MADD: variants seen among roughly 807,000 people sequenced by gnomAD.
MADD encodes the protein MAP kinase-activating death domain protein.
Under a neutral mutation model 176.7 loss-of-function variants are expected in MADD, and 109 were observed. The observed-to-expected ratio is 0.62, with a 90% CI of 0.53 to 0.72. The LOEUF is 0.72. Among genes scored for constraint, MADD ranks in the 30% least tolerant of loss-of-function variants. The pLI, the probability that MADD is intolerant of heterozygous loss-of-function variation, is 0.00. For missense variants in MADD, 1,914 were observed against 2,045.5 expected, an observed-to-expected ratio of 0.94 and a Z score of 1.24; for synonymous variants, 771 against 771.3, an observed-to-expected ratio of 1.00 and a Z score of 0.01.
At position 47,278,372 on chromosome 11, in the gene MADD, C is replaced by T. The variant is rs373373412; in HGVS notation, c.1209+94C>T. 88 of 911,128 alleles carry T rather than the reference C, an allele frequency of 9.7e-5. No individual in the cohort carries two copies. The East Asian group carries it at 1.2e-3, about 12-fold the overall frequency. 56.4% of individuals were successfully genotyped at this position (911,128 alleles called of 1,614,324 possible). A position where few individuals can be genotyped will look rare whatever the true frequency, so the allele number is the denominator to read the frequency against. On this transcript the variant is annotated intron_variant, in intron 6 of 32. Transcript: ENST00000402192. ...TCTGTTTCTAGATTCCTTTCAGGAA[C>T]GTCCTAAGTTGTTGGATAATTTCTA...
At chr11:47,314,743 C>T (rs1239744209) in intron 26 of MADD, among the ~76,000 whole-genome samples, 2 of 152,160 alleles carry the variant, frequency 1.3e-5, no homozygotes, top group Non-Finnish European at 2.9e-5. Flanking sequence ...TTTTCATATA[C>T]CTCAACCAAA....
At chr11:47,304,608 CTT>C (rs950196761) in intron 22 of MADD, among the ~76,000 whole-genome samples, 1 of 152,062 alleles carries the variant, frequency 6.6e-6, no homozygotes, top group Non-Finnish European at 1.5e-5. Context: ...ATTTTTATCT[CTT>C]TGTTGAATTT....
At chr11:47,275,794 T>C (rs1237973999) in intron 3 of MADD, 105 bp from the exon 4 acceptor site, 3 of 1,121,474 alleles carry the variant, frequency 2.7e-6, no homozygotes, top group Non-Finnish European at 3.9e-6. Flanking sequence ...TTAATGATGC[T>C]CCGTTTCCCA....
chr11:47,313,417 C>T (rs1439077156), intron 26 of MADD, among the ~76,000 whole-genome samples: 1 of 151,334 alleles, frequency 6.6e-6, no homozygotes, highest in Non-Finnish European at 1.5e-5. Flanking sequence ...TGGGTTCAAG[C>T]AATTCTCCTG....
intron 31 of MADD, chr11:47,328,262 C>CCGTATCAT: frequency 1.8e-6 from 2 of 1,125,366 alleles, no homozygotes; most frequent in Non-Finnish European, 1.1e-6. Flanking sequence ...TGGACACAAG[C>CCGTATCAT]TAGAGAGAGC....
At chr11:47,303,627 A>T (rs148585010) in intron 22 of MADD, among the ~76,000 whole-genome samples, 4,567 of 90,326 alleles carry the variant, frequency 0.051, 108 homozygotes, top group South Asian at 0.17. Context: ...TTTTTTTTTG[A>T]GACAGTCTCA....
exon 19 of MADD, chr11:47,290,744 A>G (rs2064433932): frequency 6.2e-7 from 1 of 1,614,186 alleles, no homozygotes; most frequent in Non-Finnish European, 8.5e-7. Flanking sequence ...TCGGGCACCA[A>G]GTGCCACAGG....
At chr11:47,318,662 G>GTGCC (rs1267216191) in intron 27 of MADD, among the ~76,000 whole-genome samples, 1 of 152,168 alleles carries the variant, frequency 6.6e-6, no homozygotes, top group Admixed American at 6.5e-5. Context: ...CCTCGAAGTG[G>GTGCC]TGCCATGCCA....
At chr11:47,304,436 G>T (rs73451759) in intron 22 of MADD, among the ~76,000 whole-genome samples, 2,028 of 152,092 alleles carry the variant, frequency 0.013, 55 homozygotes, top group African/African-American at 0.046. Context: ...TCTCCATGTT[G>T]CTTCGGCTGG....
rs758228511 is a variant in MADD at position 47,311,815 on chromosome 11, T to C, written c.4062T>C (p.Asn1354=). 4.3e-6 allele frequency: 7 copies of C among 1,613,638 alleles called. No homozygotes were observed. In the South Asian group the frequency reaches 6.6e-5, roughly 15 times the overall value. The change falls in exon 26 of 33, where the codon AAT becomes AAC. Residue 1354 remains asparagine (N), a synonymous_variant. Transcript: ENST00000402192. Reference sequence around the variant, plus strand: ...GGCTTGTGTACAGCCAGCAAATCAATGAGGTGCTTGATCAGCTGGCGAACC... The same window carrying C: ...GGCTTGTGTACAGCCAGCAAATCAACGAGGTGCTTGATCAGCTGGCGAACC...
chr11:47,329,166 C>T, exon 33 of MADD: 1 of 1,591,278 alleles, frequency 6.3e-7, no homozygotes, highest in Non-Finnish European at 8.6e-7. Flanking sequence ...AGGGGCTACG[C>T]AGCTGCCCCA....
intron 15 of MADD, 147 bp downstream of exon 15, chr11:47,286,681 T>G (rs2060850391): frequency 3.2e-6 from 2 of 621,052 alleles, no homozygotes; most frequent in Non-Finnish European, 5.7e-6. Context: ...CCGCACATCC[T>G]GGGCTCTGAT....
exon 3 of MADD, chr11:47,275,096 T>C (rs1359137074): frequency 6.2e-7 from 1 of 1,614,244 alleles, no homozygotes; most frequent in Non-Finnish European, 8.5e-7. Context: ...CTCAAGCGCC[T>C]GGTGGACTGC....
chr11:47,327,143 C>G (rs1250831064), intron 31 of MADD: 4 of 1,070,906 alleles, frequency 3.7e-6, no homozygotes, highest in African/African-American at 1.6e-5. Flanking sequence ...GACCCCCAAG[C>G]TCCACTATGT....
chr11:47,276,328 G>A, intron 4 of MADD, 126 bp downstream of exon 4: 1 of 885,060 alleles, frequency 1.1e-6, no homozygotes, highest in Non-Finnish European at 1.7e-6. Context: ...GAGGTAACAT[G>A]ATGCCTGGTA....
At chr11:47,312,904 T>G (rs973849262) in intron 26 of MADD, among the ~76,000 whole-genome samples, 1 of 152,228 alleles carries the variant, frequency 6.6e-6, no homozygotes, top group Admixed American at 6.5e-5. Context: ...GTATGATGGT[T>G]GTTTTGAAGA....
At chr11:47,328,593 G>C (rs1595767926) in intron 31 of MADD, 65 bp from the exon 36 acceptor site, 2 of 1,610,306 alleles carry the variant, frequency 1.2e-6, no homozygotes, top group Non-Finnish European at 1.7e-6. Flanking sequence ...GCCGCCTGGG[G>C]GAGCATGGCA....
chr11:47,302,349 G>A (rs1034672259), intron 22 of MADD, among the ~76,000 whole-genome samples: 4 of 152,102 alleles, frequency 2.6e-5, no homozygotes, highest in Non-Finnish European at 5.9e-5. Flanking sequence ...AAGTAGCTGG[G>A]ACTACAGGTG....
At chr11:47,301,208 G>C (rs866207421) in intron 22 of MADD, among the ~76,000 whole-genome samples, 5 of 151,950 alleles carry the variant, frequency 3.3e-5, no homozygotes, top group Non-Finnish European at 5.9e-5. Context: ...CACCTCCCAG[G>C]TTCAAGTGAT....
Sources: allele counts gnomAD v4.1 joint callset (sites outside exome capture counted in the v4.1 genomes callset), GRCh38; gene constraint gnomAD v4.1.1; transcripts MANE v1.5; gene names NCBI Gene and HGNC (gene_info 2026-07-23, HGNC 2026-07-21).